The following RARB variants were observed in gnomAD, a reference collection of about 807,000 sequenced individuals.
RARB encodes retinoic acid receptor beta.
In RARB, 17 loss-of-function variants were observed where a neutral mutation model predicts 51.9. The ratio of observed to expected loss-of-function variants is 0.33; its 90% CI spans 0.22 to 0.49. RARB has a LOEUF of 0.49. Ranked by LOEUF, RARB falls within the 20% of genes least tolerant of loss-of-function variation. The probability of loss-of-function intolerance (pLI) is 0.99; values close to 1 mark genes in which losing one functional copy is unlikely to be tolerated. For missense variants in RARB, 369 were observed against 550.8 expected, an observed-to-expected ratio of 0.67 and a Z score of 3.30; for synonymous variants, 215 against 195.4, an observed-to-expected ratio of 1.10 and a Z score of -0.84.
Position 25,117,039 on chromosome 3 carries a change from T to C in RARB, c.-327-15122T>C, listed in dbSNP as rs140313579. Among the ~76,000 whole-genome samples the C allele has an allele frequency of 7.4e-4, 113 of 152,328 alleles. 1 individual carries two copies. The highest frequency in any genetic ancestry group is 2.7e-3 in the African/African-American group (112 of 41,580). ...AAGATAGACCAGCCAGAAATCATCCTTTCTGATGCTTTAATAATAATTTTT... is the reference window on the plus strand; with the variant it reads ...AAGATAGACCAGCCAGAAATCATCCCTTCTGATGCTTTAATAATAATTTTT... On this transcript the variant is annotated intron_variant, in intron 3 of 11. Transcript: ENST00000383772.
At chr3:25,403,839 A>C (rs1422928021) in intron 5 of RARB, among the ~76,000 whole-genome samples, 106 of 82,382 alleles carry the variant, frequency 1.3e-3, no homozygotes, top group African/African-American at 4.9e-3. Flanking sequence ...TCTTCATTAG[A>C]AAAAAAAAAA....
intron 5 of RARB, among the ~76,000 whole-genome samples, chr3:25,382,896 T>A (rs1706672439): frequency 1.3e-5 from 2 of 152,130 alleles, no homozygotes; most frequent in South Asian, 4.1e-4. Context: ...ATAACACAGC[T>A]GGCACCAGCT....
intron 2 of RARB, among the ~76,000 whole-genome samples, chr3:24,861,391 T>C (rs1286697799): frequency 6.6e-6 from 1 of 152,142 alleles, no homozygotes; most frequent in Non-Finnish European, 1.5e-5. Context: ...GTTTATTTCA[T>C]ACCTTCGTTA....
intron 5 of RARB, among the ~76,000 whole-genome samples, chr3:25,267,713 A>C (rs942310303): frequency 6.6e-6 from 1 of 152,102 alleles, no homozygotes; most frequent in African/African-American, 2.4e-5. Flanking sequence ...CATTTAAGTT[A>C]CTCAAATTTG....
chr3:25,203,758 C>A (rs1358781386), intron 5 of RARB, among the ~76,000 whole-genome samples: 1 of 152,170 alleles, frequency 6.6e-6, no homozygotes, highest in Non-Finnish European at 1.5e-5. Context: ...TGAATATTGG[C>A]CCCCACTCTC....
intron 3 of RARB, among the ~76,000 whole-genome samples, chr3:25,063,185 G>A (rs1220259721): frequency 6.6e-6 from 1 of 151,908 alleles, no homozygotes; most frequent in Non-Finnish European, 1.5e-5. Flanking sequence ...AAATACAATA[G>A]AATCTATACC....
intron 3 of RARB, among the ~76,000 whole-genome samples, chr3:25,111,043 T>A (rs889720629): frequency 1.3e-5 from 2 of 152,228 alleles, no homozygotes; most frequent in African/African-American, 4.8e-5. Context: ...CTTTCCAGCC[T>A]CTTGAGTCTT....
In RARB at chr3:25,335,772, A is replaced by G. The variant is rs142235909; in HGVS notation, c.179-125421A>G. Among the ~76,000 whole-genome samples, 694 of 152,314 alleles carry G rather than the reference A, an allele frequency of 4.6e-3. 4 individuals carry two copies. The highest frequency in any genetic ancestry group is 0.016 in the African/African-American group (661 of 41,564). On this transcript the variant is annotated intron_variant, in intron 5 of 11. Coordinates refer to the RARB transcript ENST00000383772. ...GTTTCTGCCTCTGACAACCTCATCT[A>G]TTATGATCTCTGCTATATTCTCTTC...
chr3:25,039,110 T>C (rs1698061250), intron 2 of RARB, among the ~76,000 whole-genome samples: 1 of 152,220 alleles, frequency 6.6e-6, no homozygotes, highest in African/African-American at 2.4e-5. Context: ...TCCACTTGTC[T>C]GTACAGGCTT....
At chr3:25,378,415 C>T (rs756287109) in intron 5 of RARB, among the ~76,000 whole-genome samples, 38 of 152,062 alleles carry the variant, frequency 2.5e-4, no homozygotes, top group Non-Finnish European at 4.1e-4. Context: ...AAATTTTGTC[C>T]CCAGTGGGAC....
At chr3:25,023,050 A>AGGGAG (rs1210273536) in intron 2 of RARB, among the ~76,000 whole-genome samples, 1 of 152,170 alleles carries the variant, frequency 6.6e-6, no homozygotes, top group East Asian at 1.9e-4. Flanking sequence ...AAATGGGTAG[A>AGGGAG]GGGAGGGAGA....
intron 5 of RARB, among the ~76,000 whole-genome samples, chr3:25,337,244 A>T (rs1052282006): frequency 6.6e-6 from 1 of 152,218 alleles, no homozygotes; most frequent in Non-Finnish European, 1.5e-5. Context: ...GAATACATTC[A>T]CTACAGAATA....
intron 3 of RARB, among the ~76,000 whole-genome samples, chr3:25,072,857 C>T (rs1015224825): frequency 3.0e-4 from 46 of 152,080 alleles, no homozygotes; most frequent in African/African-American, 1.0e-3. Flanking sequence ...TACAGGCACC[C>T]GCCACCACGC....
chr3:24,984,516 C>T lies in RARB; in HGVS notation c.-379-75609C>T, dbSNP rs1575105785. Among the ~76,000 whole-genome samples, 2 of 152,248 alleles carry T rather than the reference C, an allele frequency of 1.3e-5. 1 individual carries two copies. The highest frequency in any genetic ancestry group is 4.1e-4 in the South Asian group (2 of 4,824). On this transcript the variant is annotated intron_variant, in intron 2 of 11. Coordinates refer to the RARB transcript ENST00000383772. Reference sequence around the variant, plus strand: ...TTTATTCTTTAAATTATTTCTTTTGCATAATCTCACTTATATGTGGGATCT... The same window carrying T: ...TTTATTCTTTAAATTATTTCTTTTGTATAATCTCACTTATATGTGGGATCT...
At chr3:24,917,403 G>A (rs1046245984) in intron 2 of RARB, among the ~76,000 whole-genome samples, 1 of 152,178 alleles carries the variant, frequency 6.6e-6, no homozygotes, top group Admixed American at 6.5e-5. Flanking sequence ...TTTGCAAATA[G>A]CATATTTGAT....
intron 3 of RARB, among the ~76,000 whole-genome samples, chr3:25,566,620 T>G (rs1157928404): frequency 6.6e-6 from 1 of 152,106 alleles, no homozygotes; most frequent in Non-Finnish European, 1.5e-5. Context: ...CTCCCTTTCT[T>G]GCTTGGTTCA....
chr3:24,950,572 T>A (rs1354938707), intron 2 of RARB, among the ~76,000 whole-genome samples: 8 of 152,168 alleles, frequency 5.3e-5, no homozygotes, highest in African/African-American at 1.7e-4. Flanking sequence ...CACAGCTACA[T>A]CTGATATTTT....
chr3:25,505,773 C>T (rs1559439940), intron 3 of RARB, among the ~76,000 whole-genome samples: 1 of 152,064 alleles, frequency 6.6e-6, no homozygotes, highest in African/African-American at 2.4e-5. Flanking sequence ...GAATGATGAA[C>T]TTCTGCTGGT....
At chr3:25,387,301 T>C (rs1706822590) in intron 5 of RARB, among the ~76,000 whole-genome samples, 1 of 152,002 alleles carries the variant, frequency 6.6e-6, no homozygotes, top group African/African-American at 2.4e-5. Context: ...GGGTCTTTAT[T>C]GAAGAAAATA....
Sources: gnomAD v4.1 joint callset for allele counts (sites outside exome capture counted in the v4.1 genomes callset) on GRCh38, gnomAD v4.1.1 for gene constraint, MANE v1.5 for transcripts, NCBI Gene and HGNC (gene_info 2026-07-23, HGNC 2026-07-21) for gene names.